The following ZNG1B variants were observed in gnomAD, a reference collection of about 807,000 sequenced individuals.
ZNG1B encodes the protein zinc-regulated GTPase metalloprotein activator 1B.
the ZNG1B span, chr2:113,444,118 G>A: frequency 0.022 from 9,566 of 433,598 alleles, 360 homozygotes; most frequent in African/African-American, 0.17. Flanking sequence ...AATCTCTAGT[G>A]CATGAAAGTC....
At chr2:113,496,000 A>G in the ZNG1B span, 1 of 325,272 alleles carries the variant, frequency 3.1e-6, no homozygotes, top group Non-Finnish European at 5.4e-6. Flanking sequence ...GAGTTTACAT[A>G]TACTGAACAT....
chr2:113,472,343 T>A, the ZNG1B span, among the ~76,000 whole-genome samples: 1 of 152,160 alleles, frequency 6.6e-6, no homozygotes, highest in Non-Finnish European at 1.5e-5. Flanking sequence ...TTGTTTTTTT[T>A]CTTGTAAATT....
At chr2:113,455,538 T>C in the ZNG1B span, 7 of 1,254,442 alleles carry the variant, frequency 5.6e-6, no homozygotes, top group Non-Finnish European at 7.3e-6. Flanking sequence ...AGTAAAATGA[T>C]GTTTCTCAGC....
the ZNG1B span, among the ~76,000 whole-genome samples, chr2:113,477,320 G>C: frequency 6.6e-6 from 1 of 152,134 alleles, no homozygotes; most frequent in South Asian, 2.1e-4. Flanking sequence ...ACTAGGAAAG[G>C]GAACTCCCTG....
the ZNG1B span, chr2:113,445,033 G>A: frequency 1.9e-6 from 3 of 1,610,658 alleles, no homozygotes; most frequent in South Asian, 2.2e-5. Context: ...TACTGTTAGA[G>A]ACCACTGGAT....
chr2:113,475,405 C>T, the ZNG1B span, among the ~76,000 whole-genome samples: 3 of 151,508 alleles, frequency 2.0e-5, no homozygotes, highest in African/African-American at 4.9e-5. Context: ...GATGGGTTTC[C>T]TGAATACAGC....
chr2:113,478,479 C>G, the ZNG1B span, among the ~76,000 whole-genome samples: 2 of 151,596 alleles, frequency 1.3e-5, no homozygotes, highest in Non-Finnish European at 2.9e-5. Context: ...TGGGGTCTTG[C>G]TATGTTGCCT....
the ZNG1B span, among the ~76,000 whole-genome samples, chr2:113,441,124 C>A: frequency 1.1e-3 from 166 of 152,234 alleles, no homozygotes; most frequent in Non-Finnish European, 2.2e-3. Context: ...GAAACTGTTT[C>A]AACTTGTAGG....
At chr2:113,490,512 CA>C in the ZNG1B span, among the ~76,000 whole-genome samples, 4 of 151,230 alleles carry the variant, frequency 2.6e-5, no homozygotes, top group South Asian at 2.1e-4. Flanking sequence ...AACAAAACAA[CA>C]AAAAAAATCC....
At chr2:113,455,590 C>G in the ZNG1B span, 5 of 1,287,178 alleles carry the variant, frequency 3.9e-6, no homozygotes, top group South Asian at 2.5e-5. Context: ...AGAATGAAAT[C>G]ATCCCACCCA....
the ZNG1B span, among the ~76,000 whole-genome samples, chr2:113,475,507 T>A: frequency 2.7e-5 from 4 of 149,450 alleles, no homozygotes; most frequent in African/African-American, 7.5e-5. Flanking sequence ...TTAATATCGT[T>A]ACGTGTGAAT....
chr2:113,471,744 GTTC>G, the ZNG1B span, among the ~76,000 whole-genome samples: 2 of 149,050 alleles, frequency 1.3e-5, no homozygotes, highest in African/African-American at 5.0e-5. Flanking sequence ...TTGGTTTTTT[GTTC>G]TTGCGATAGT....
chr2:113,487,089 C>T, the ZNG1B span, among the ~76,000 whole-genome samples: 56 of 151,850 alleles, frequency 3.7e-4, no homozygotes, highest in African/African-American at 1.3e-3. Context: ...AGTCATGCAC[C>T]GCATAACAGC....
chr2:113,448,626 C>T, the ZNG1B span, among the ~76,000 whole-genome samples: 2 of 151,592 alleles, frequency 1.3e-5, no homozygotes, highest in South Asian at 2.1e-4. Flanking sequence ...TGTTGCTGGC[C>T]GGGCTCGGTG....
the ZNG1B span, among the ~76,000 whole-genome samples, chr2:113,471,795 C>G: frequency 2.0e-5 from 3 of 152,014 alleles, no homozygotes; most frequent in Admixed American, 6.5e-5. Context: ...ATCCATGTCC[C>G]TACAAAGGAC....
chr2:113,468,298 TTG>T, the ZNG1B span, among the ~76,000 whole-genome samples: 13 of 151,170 alleles, frequency 8.6e-5, no homozygotes, highest in African/African-American at 3.2e-4. Flanking sequence ...TGCACCCTGT[TTG>T]TGAGACTCAC....
At chr2:113,493,235 A>G in the ZNG1B span, among the ~76,000 whole-genome samples, 2 of 134,598 alleles carry the variant, frequency 1.5e-5, no homozygotes, top group Admixed American at 8.1e-5. Context: ...TTTTTTTAAG[A>G]GAACAAATTT....
At chr2:113,462,714 C>G in the ZNG1B span, 1 of 573,516 alleles carries the variant, frequency 1.7e-6, no homozygotes, top group Non-Finnish European at 3.0e-6. Context: ...AGTTAATAGA[C>G]TGATATTCAG....
chr2:113,469,781 A>C, the ZNG1B span: 1 of 147,154 alleles, frequency 6.8e-6, no homozygotes, highest in Non-Finnish European at 1.5e-5. Flanking sequence ...GGTCAGTCCT[A>C]AGATAAAGGA....
Sources: allele counts gnomAD v4.1 joint callset (sites outside exome capture counted in the v4.1 genomes callset), GRCh38; gene constraint gnomAD v4.1.1; transcripts MANE v1.5; gene names NCBI Gene and HGNC (gene_info 2026-07-23, HGNC 2026-07-21).